ZNF814: variants seen among roughly 807,000 people sequenced by gnomAD.
ZNF814 encodes the protein zinc finger protein 814.
A neutral mutation model predicts 7.5 loss-of-function variants in ZNF814; 5 were observed. The observed-to-expected ratio is 0.67, with a 90% CI of 0.35 to 1.40. ZNF814 has a LOEUF of 1.40. Ranked by LOEUF, ZNF814 falls within the 40% of genes most tolerant of loss-of-function variation. The pLI, the probability that ZNF814 is intolerant of heterozygous loss-of-function variation, is 0.04. For synonymous variants in ZNF814, 315 were observed against 340.7 expected (o/e 0.92, Z 0.83); for missense variants, 962 against 1,018.0 (o/e 0.94, Z 0.75).
chr19:57,899,465 G>A, the ZNF814 span, among the ~76,000 whole-genome samples: 8 of 152,278 alleles, frequency 5.3e-5, no homozygotes, highest in South Asian at 2.1e-4. Context: ...ACTAAGTCTC[G>A]AAAGGTTCAA....
In ZNF814 at chr19:57,873,472, A is replaced by AT. The variant is rs1174869580; in HGVS notation, c.1917dup (p.Ser640IlefsTer3). 2 of 1,613,990 alleles carry AT rather than the reference A, an allele frequency of 1.2e-6. No individual in the cohort carries two copies. The highest frequency in any genetic ancestry group is 2.7e-5 in the African/African-American group (2 of 74,896). ...CTAAGGTGTCCTTTTTCATTAAAAG[A>AT]TTTCCCACAGTCTCCACACTTGTAA... On this transcript the variant is annotated frameshift_variant, in exon 3 of 3. Coordinates refer to ENST00000435989, the MANE Select transcript of ZNF814 (RefSeq NM_001144989.2). LOFTEE classifies it low-confidence loss of function (END_TRUNC).
the ZNF814 span, among the ~76,000 whole-genome samples, chr19:57,896,622 T>C: frequency 6.6e-6 from 1 of 152,222 alleles, no homozygotes; most frequent in East Asian, 1.9e-4. This position sits in a 1 kb window ranked among gnomAD's most constrained non-coding sequence, Gnocchi z 4.2. Context: ...AATTTCCTGT[T>C]ACTATCACCC....
At position 57,871,893 on chromosome 19, in the gene ZNF814, T is replaced by G. The variant is rs1026753286; in HGVS notation, c.*929A>C. ...TGGAGGCCAAGGTGGAAGGATCGCTTGAGCCAGGAGTTTAAGACCAGCCTG... is the reference window on the plus strand; with the variant it reads ...TGGAGGCCAAGGTGGAAGGATCGCTGGAGCCAGGAGTTTAAGACCAGCCTG... On this transcript the variant is annotated 3_prime_UTR_variant, in exon 3 of 3. Coordinates refer to ENST00000435989, the MANE Select transcript of ZNF814 (RefSeq NM_001144989.2). Among the ~76,000 whole-genome samples, 4 of 151,186 alleles carry G rather than the reference T, an allele frequency of 2.6e-5. No homozygotes were observed. The highest frequency in any genetic ancestry group is 9.7e-5 in the African/African-American group (4 of 41,072).
At position 57,873,110 on chromosome 19, in the gene ZNF814, A is replaced by T. The variant is rs112842436; in HGVS notation, c.2280T>A (p.Cys760Ter). Residue 760 changes from cysteine (C) to a stop codon, truncating the protein, a stop_gained, in exon 3 of 3, where the codon TGT becomes TGA. Coordinates refer to ENST00000435989, the MANE Select transcript of ZNF814 (RefSeq NM_001144989.2). LOFTEE classifies it low-confidence loss of function (END_TRUNC). Reference protein sequence around the residue: ...GKSFTHSSTFCVHKRIHTGEK... With the variant: ...GKSFTHSSTF ...CTCCAGTGTGAATTCGCTTATGAAC[A>T]CAGAATGTAGAGCTGTGGGTAAATG... 1 of 1,613,906 alleles carries T rather than the reference A, an allele frequency of 6.2e-7. No homozygotes were observed. The highest frequency in any genetic ancestry group is 1.1e-5 in the South Asian group (1 of 91,028).
chr19:57,877,730 C>G (rs1209922427), intron 1 of ZNF814, among the ~76,000 whole-genome samples: 1 of 152,108 alleles, frequency 6.6e-6, no homozygotes. Flanking sequence ...CATGAGGCAC[C>G]GCGCCCAGCC....
chr19:57,902,490 T>C, the ZNF814 span, among the ~76,000 whole-genome samples: 8 of 152,172 alleles, frequency 5.3e-5, no homozygotes, highest in African/African-American at 1.9e-4. Context: ...TTCAGGATTA[T>C]GGAAATTAGC....
chr19:57,891,731 G>A (rs2071735943), upstream of ZNF814, among the ~76,000 whole-genome samples: 1 of 151,534 alleles, frequency 6.6e-6, no homozygotes, highest in African/African-American at 2.4e-5. Context: ...TGTCTATGGA[G>A]TACCCACTCT....
chr19:57,889,646 C>A (rs180810504), upstream of ZNF814, among the ~76,000 whole-genome samples: 281 of 152,286 alleles, frequency 1.8e-3, 1 homozygote, highest in Admixed American at 3.5e-3. Flanking sequence ...AGGTGGAACA[C>A]CTGAGGTCAG....
rs1340929637 is a variant in ZNF814 at position 57,871,609 on chromosome 19, A to C, written c.*1213T>G. The C allele has an allele frequency of 6.6e-6, 1 of 152,134 alleles. No individual in the cohort carries two copies. Among genetic ancestry groups the C allele is most frequent in the Admixed American group, 6.6e-5 (1 of 15,260 alleles). 9.4% of individuals were successfully genotyped at this position (152,134 alleles called of 1,614,324 possible). A position where few individuals can be genotyped will look rare whatever the true frequency, so the allele number is the denominator to read the frequency against. On this transcript the variant is annotated 3_prime_UTR_variant, in exon 3 of 3. Coordinates refer to ENST00000435989, the MANE Select transcript of ZNF814 (RefSeq NM_001144989.2). ...TTCTTAGGATCATGACTTGGAGGGT[A>C]GAAAATTTGTCAAGATTGATGTGAT...
chr19:57,895,135 C>A, the ZNF814 span, among the ~76,000 whole-genome samples: 1 of 152,086 alleles, frequency 6.6e-6, no homozygotes, highest in South Asian at 2.1e-4. Context: ...GGTGCCAAAC[C>A]AGTTCTTAGC....
At chr19:57,875,536 T>C (rs183124314) in intron 2 of ZNF814, among the ~76,000 whole-genome samples, 4 of 152,266 alleles carry the variant, frequency 2.6e-5, no homozygotes, top group African/African-American at 9.6e-5. Context: ...GTGAGTGCTG[T>C]AGAGAGGGAT....
Position 57,870,985 on chromosome 19 carries a change from A to G in ZNF814, c.*1837T>C, listed in dbSNP as rs575637844. On this transcript the variant is annotated 3_prime_UTR_variant, in exon 3 of 3. Transcript: ENST00000435989. ...ACAGGGTGAGGCTCTGCCTCAAAAA[A>G]AAAGAAAAAAAAAGAAAAAAAAGAC... is the stretch of plus-strand genomic sequence containing the variant. 1.3e-5 allele frequency: 2 copies of G among 151,704 alleles called. No individual in the cohort carries two copies. The highest frequency in any genetic ancestry group is 3.9e-4 in the East Asian group (2 of 5,184). 9.4% of individuals were successfully genotyped at this position (151,704 alleles called of 1,614,324 possible).
chr19:57,876,908 C>G lies in ZNF814; in HGVS notation c.163+8G>C, dbSNP rs2071611240. ...GCTCAGGTCACAGGGTGAGTGTGAGCAACTTACCCAGGGAGGATATAAGTG... is the reference window on the plus strand; with the variant it reads ...GCTCAGGTCACAGGGTGAGTGTGAGGAACTTACCCAGGGAGGATATAAGTG... On this transcript the variant is annotated splice_region_variant and intron_variant, in intron 2 of 2. Coordinates refer to ENST00000435989, the MANE Select transcript of ZNF814 (RefSeq NM_001144989.2). 1.9e-6 allele frequency: 3 copies of G among 1,614,028 alleles called. No homozygotes were observed. The highest frequency in any genetic ancestry group is 2.5e-6 in the Non-Finnish European group (3 of 1,179,938).
intron 1 of ZNF814, among the ~76,000 whole-genome samples, chr19:57,885,400 G>C (rs569614494): frequency 6.6e-6 from 1 of 151,644 alleles, no homozygotes. Flanking sequence ...GGAGGCTGAG[G>C]TGGGTGGATC....
chr19:57,891,296 T>A, upstream of ZNF814, among the ~76,000 whole-genome samples: 1 of 151,804 alleles, frequency 6.6e-6, no homozygotes, highest in East Asian at 1.9e-4. Flanking sequence ...GAGGCTGAGG[T>A]GGGTGGATCA....
At chr19:57,897,357 T>C in the ZNF814 span, among the ~76,000 whole-genome samples, 1 of 152,178 alleles carries the variant, frequency 6.6e-6, no homozygotes, top group South Asian at 2.1e-4. Context: ...TTTTTCAGGC[T>C]CTTGCTTTAA....
At chr19:57,902,375 T>C in the ZNF814 span, among the ~76,000 whole-genome samples, 3 of 152,154 alleles carry the variant, frequency 2.0e-5, no homozygotes, top group Non-Finnish European at 2.9e-5. Context: ...AAGAGAACCA[T>C]ACACGGTACA....
chr19:57,896,753 A>G, the ZNF814 span, among the ~76,000 whole-genome samples: 1 of 152,226 alleles, frequency 6.6e-6, no homozygotes, highest in East Asian at 1.9e-4. The surrounding 1 kb of genome is among the most constrained non-coding windows in gnomAD (Gnocchi z 4.2). Context: ...TTACTAAAAA[A>G]TGTGGCTCTG....
rs554134962 is a variant in ZNF814 at position 57,888,917 on chromosome 19, C to T, written c.-115G>A. 287 of 1,168,764 alleles carry T rather than the reference C, an allele frequency of 2.5e-4. 1 individual carries two copies. The highest frequency in any genetic ancestry group is 3.3e-4 in the Non-Finnish European group (265 of 809,158). 72.4% of individuals were successfully genotyped at this position (1,168,764 alleles called of 1,614,324 possible). Reference sequence around the variant, plus strand: ...GGTCACGCTGGGCGCCGTCACAGAGCTCCAGAGTAGCCTCTGTGCAGCGGA... The same window carrying T: ...GGTCACGCTGGGCGCCGTCACAGAGTTCCAGAGTAGCCTCTGTGCAGCGGA... On this transcript the variant is annotated 5_prime_UTR_variant, in exon 1 of 3. Transcript: ENST00000435989.
Sources: allele counts gnomAD v4.1 joint callset (sites outside exome capture counted in the v4.1 genomes callset), GRCh38; gene constraint gnomAD v4.1.1; non-coding constraint Gnocchi (gnomAD v3.1); transcripts MANE v1.5; gene names NCBI Gene and HGNC (gene_info 2026-07-23, HGNC 2026-07-21).